AGFG1: variants seen among roughly 807,000 people sequenced by gnomAD.
AGFG1 encodes the protein arf-GAP domain and FG repeat-containing protein 1.
Under a neutral mutation model 60.6 loss-of-function variants are expected in AGFG1, and 10 were observed. The ratio of observed to expected loss-of-function variants is 0.16; its 90% CI spans 0.10 to 0.28. AGFG1 has a LOEUF of 0.28. AGFG1 is among the 10% of genes least tolerant of loss of function. AGFG1 has a pLI of 1.00. For synonymous variants in AGFG1, 247 were observed against 242.9 expected, an observed-to-expected ratio of 1.02 and a Z score of -0.16; for missense variants, 537 against 676.5, an observed-to-expected ratio of 0.79 and a Z score of 2.29.
chr2:227,557,359 T>A lies in AGFG1; in HGVS notation c.*2864T>A, dbSNP rs765722354. On this transcript the variant is annotated 3_prime_UTR_variant, in exon 13 of 13. Coordinates refer to ENST00000310078, the MANE Select transcript of AGFG1 (RefSeq NM_004504.5). ...CTTCTGTTAATTTGTAAAAGCACAT[T>A]AGTGCTTTACCTGTGAAATTCCCCG... is the stretch of plus-strand genomic sequence containing the variant. 6.6e-6 allele frequency: 1 copy of A among 152,164 alleles called. No homozygotes were observed. Among genetic ancestry groups the A allele is most frequent in the East Asian group, 1.9e-4 (1 of 5,202 alleles). The allele number at this position is 152,164 out of a possible 1,614,324, so 9.4% of individuals were successfully genotyped here.
At chr2:227,524,987 C>T in intron 5 of AGFG1, 72 bp downstream of exon 5, 1 of 1,543,552 alleles carries the variant, frequency 6.5e-7, no homozygotes. Flanking sequence ...TTCTTTATCA[C>T]ACTTTGAGGA....
At chr2:227,531,430 TCTC>T (rs918088350) in intron 6 of AGFG1, among the ~76,000 whole-genome samples, 6 of 152,108 alleles carry the variant, frequency 3.9e-5, no homozygotes, top group African/African-American at 1.4e-4. Flanking sequence ...CAACATCCAT[TCTC>T]CTCCTTTTCC....
intron 8 of AGFG1, among the ~76,000 whole-genome samples, chr2:227,536,025 AT>A (rs1201068392): frequency 6.6e-6 from 1 of 151,036 alleles, no homozygotes. Flanking sequence ...GTGTCTTTTT[AT>A]TTTTTTTTAA....
At chr2:227,487,151 T>G (rs963660813) in intron 1 of AGFG1, among the ~76,000 whole-genome samples, 8 of 152,186 alleles carry the variant, frequency 5.3e-5, no homozygotes, top group African/African-American at 1.7e-4. Flanking sequence ...TTTTTCTAAT[T>G]CTTCAGCATA....
rs1692991927 is a variant in AGFG1 at position 227,557,099 on chromosome 2, C to T, written c.*2604C>T. The T allele has an allele frequency of 1.3e-5, 2 of 152,002 alleles. No individual in the cohort carries two copies. The highest frequency in any genetic ancestry group is 2.1e-4 in the South Asian group (1 of 4,812). The allele number at this position is 152,002 out of a possible 1,614,324, so 9.4% of individuals were successfully genotyped here. A position where few individuals can be genotyped will look rare whatever the true frequency, so the allele number is the denominator to read the frequency against. On this transcript the variant is annotated 3_prime_UTR_variant, in exon 13 of 13. Coordinates refer to ENST00000310078, the MANE Select transcript of AGFG1 (RefSeq NM_004504.5). ...TTGAGTACTAAAAAGGAGAAAAAAT[C>T]CTGGAAGGTAACAAGGCTGAAGACC...
In AGFG1 at chr2:227,472,180, G is replaced by A. The variant is rs1690107243; in HGVS notation, c.-242G>A. On this transcript the variant is annotated 5_prime_UTR_variant, in exon 1 of 13. Coordinates refer to ENST00000310078, the MANE Select transcript of AGFG1 (RefSeq NM_004504.5). ...TCCCCTCAGGAGAAGTCGGGAAGGTGGCGGCGGCGGCGGCGGTTGTCCCGG... is the reference window on the plus strand; with the variant it reads ...TCCCCTCAGGAGAAGTCGGGAAGGTAGCGGCGGCGGCGGCGGTTGTCCCGG... 1 of 155,720 alleles carries A rather than the reference G, an allele frequency of 6.4e-6. No individual in the cohort carries two copies. The highest frequency in any genetic ancestry group is 1.8e-4 in the South Asian group (1 of 5,604). The allele number at this position is 155,720 out of a possible 1,614,324, so 9.6% of individuals were successfully genotyped here. A position where few individuals can be genotyped will look rare whatever the true frequency, so the allele number is the denominator to read the frequency against.
At chr2:227,494,074 T>C (rs1690902763) in intron 2 of AGFG1, among the ~76,000 whole-genome samples, 1 of 152,198 alleles carries the variant, frequency 6.6e-6, no homozygotes, top group Non-Finnish European at 1.5e-5. Flanking sequence ...TACCTTCTTA[T>C]AGTATACCAA....
intron 8 of AGFG1, among the ~76,000 whole-genome samples, chr2:227,535,521 A>G (rs1001759039): frequency 3.9e-5 from 6 of 152,204 alleles, no homozygotes. Context: ...TTATGTTCAT[A>G]TATATCTGTT....
Position 227,524,909 on chromosome 2 carries a change from C to G in AGFG1, c.688C>G (p.His230Asp). ...TGCTAACTTTGCACATTTCAACAGT[C>G]ATGCAGGTAAGTGTTTTTTCCCAAC... is the stretch of plus-strand genomic sequence containing the variant. ...NFANFAHFNS[H>D]AAQNSANADF... is the part of the protein sequence containing the mutation. The change falls in exon 5 of 13, where the codon CAT (histidine) becomes GAT (aspartate). Residue 230 changes from histidine (H) to aspartate (D), a missense_variant. This residue lies in a region of AGFG1 where 102 missense variants were observed against 82.9 expected (regional missense o/e 1.23). Coordinates refer to ENST00000310078, the MANE Select transcript of AGFG1 (RefSeq NM_004504.5). 1.2e-6 allele frequency: 2 copies of G among 1,614,006 alleles called. No individual in the cohort carries two copies. Among genetic ancestry groups the G allele is most frequent in the South Asian group, 2.2e-5 (2 of 91,054 alleles).
intron 6 of AGFG1, among the ~76,000 whole-genome samples, chr2:227,531,483 C>CAG: frequency 6.7e-6 from 1 of 150,200 alleles, no homozygotes; most frequent in South Asian, 2.1e-4. Flanking sequence ...GCACACAGGA[C>CAG]AGAGGCATGA....
intron 10 of AGFG1, among the ~76,000 whole-genome samples, chr2:227,543,802 A>G (rs917778150): frequency 6.6e-6 from 1 of 151,772 alleles, no homozygotes; most frequent in Non-Finnish European, 1.5e-5. Context: ...GTCTCTTTGT[A>G]GGTCTCTAAG....
intron 7 of AGFG1, 61 bp downstream of exon 7, chr2:227,533,819 G>T: frequency 2.1e-6 from 3 of 1,462,516 alleles, no homozygotes; most frequent in Non-Finnish European, 2.8e-6. Context: ...TAATTTGGTT[G>T]TATTTATTAA....
chr2:227,532,206 C>G, intron 6 of AGFG1: 1 of 1,545,538 alleles, frequency 6.5e-7, no homozygotes, highest in South Asian at 1.2e-5. Flanking sequence ...TCAGGCTACC[C>G]ACAGTAAGTT....
At chr2:227,505,739 G>T (rs556414382) in intron 2 of AGFG1, among the ~76,000 whole-genome samples, 15 of 151,040 alleles carry the variant, frequency 9.9e-5, no homozygotes, top group East Asian at 1.9e-4. Flanking sequence ...TGTTTTTTTT[G>T]TTTGTTTGTT....
intron 1 of AGFG1, among the ~76,000 whole-genome samples, chr2:227,473,494 AAGAC>A (rs1185759416): frequency 6.6e-6 from 1 of 152,188 alleles, no homozygotes; most frequent in Non-Finnish European, 1.5e-5. Flanking sequence ...TGATTTCAGA[AAGAC>A]ACTACCGTCC....
chr2:227,508,535 T>C, intron 2 of AGFG1: 1 of 453,822 alleles, frequency 2.2e-6, no homozygotes, highest in Admixed American at 2.6e-5. Context: ...TGTACATCTA[T>C]ATGTGAGGTA....
intron 10 of AGFG1, among the ~76,000 whole-genome samples, chr2:227,542,511 G>A (rs1193897264): frequency 2.6e-5 from 4 of 152,118 alleles, no homozygotes; most frequent in Admixed American, 6.6e-5. Flanking sequence ...GGTGAAGCCA[G>A]CTTGATCATG....
rs1232665689 is a variant in AGFG1, at chr2:227,560,579, C to T, written c.*6084C>T. 1 of 152,096 alleles carries T rather than the reference C, an allele frequency of 6.6e-6. No individual in the cohort carries two copies. Among genetic ancestry groups the T allele is most frequent in the African/African-American group, 2.4e-5 (1 of 41,432 alleles). The allele number at this position is 152,096 out of a possible 1,614,324, so 9.4% of individuals were successfully genotyped here. A position where few individuals can be genotyped will look rare whatever the true frequency, so the allele number is the denominator to read the frequency against. On this transcript the variant is annotated 3_prime_UTR_variant, in exon 13 of 13. Coordinates refer to ENST00000310078, the MANE Select transcript of AGFG1 (RefSeq NM_004504.5). ...ACTCATGACTCTAAAAAGTGCATGG[C>T]TTGGGGCTATACTTTGTTTTGCAGT...
chr2:227,541,010 G>C (rs1692476629), intron 10 of AGFG1, among the ~76,000 whole-genome samples: 1 of 152,176 alleles, frequency 6.6e-6, no homozygotes, highest in Admixed American at 6.5e-5. Flanking sequence ...AGAAGTGTCT[G>C]TTCATATCCT....
Sources: gnomAD v4.1 joint callset for allele counts (sites outside exome capture counted in the v4.1 genomes callset) on GRCh38, gnomAD v4.1.1 for gene constraint, gnomAD v4.1.1 regional missense constraint, MANE v1.5 for transcripts, NCBI Gene and HGNC (gene_info 2026-07-23, HGNC 2026-07-21) for gene names.